PTPRG: variants seen among roughly 807,000 people sequenced by gnomAD.
The protein encoded by PTPRG is receptor-type tyrosine-protein phosphatase gamma.
PTPRG carries 102 observed loss-of-function variants against 165.3 expected under a neutral mutation model. The ratio of observed to expected loss-of-function variants is 0.62; its 90% CI spans 0.53 to 0.73. The LOEUF (loss-of-function observed/expected upper bound fraction) is 0.73, where lower values mean the gene tolerates loss of function less well. PTPRG is among the 30% of genes least tolerant of loss of function. PTPRG has a pLI of 0.00. For synonymous variants in PTPRG, 675 were observed against 669.5 expected, an observed-to-expected ratio of 1.01 and a Z score of -0.13; for missense variants, 1,866 against 1,861.4, an observed-to-expected ratio of 1.00 and a Z score of -0.05.
intron 1 of PTPRG, among the ~76,000 whole-genome samples, chr3:61,733,446 T>C (rs2032596330): frequency 6.6e-6 from 1 of 150,596 alleles, no homozygotes; most frequent in African/African-American, 2.4e-5. Flanking sequence ...GTTTTTAAAA[T>C]GGGAATAATG....
At chr3:61,765,025 A>G (rs1311391433) in intron 2 of PTPRG, among the ~76,000 whole-genome samples, 1 of 152,184 alleles carries the variant, frequency 6.6e-6, no homozygotes, top group Non-Finnish European at 1.5e-5. Flanking sequence ...CGAACCCTAA[A>G]CTGAAGGCTC....
At position 62,078,182 on chromosome 3, in the gene PTPRG, A is replaced by G; in HGVS notation, c.539A>G (p.Asn180Ser). 2 of 1,605,142 alleles carry G rather than the reference A, an allele frequency of 1.2e-6. No homozygotes were observed. Among genetic ancestry groups the G allele is most frequent in the Non-Finnish European group, 1.7e-6 (2 of 1,175,490 alleles). The stretch of plus-strand genomic sequence containing the variant: ...TTACAGATGCAGATTTTCTTTTACA[A>G]TCCAGATGACTTTGACAGCTTTCAA... ...FPVEMQIFFY[N>S]PDDFDSFQTA... Residue 180 changes from asparagine (N) to serine (S), a missense_variant, in exon 5 of 30, where the codon AAT (asparagine) becomes AGT (serine). By Grantham distance (46) the Asn-to-Ser change is conservative (BLOSUM62 1). This residue lies in a region of PTPRG where 408 missense variants were observed against 376.2 expected (regional missense o/e 1.08). Transcript: ENST00000474889.
intron 5 of PTPRG, among the ~76,000 whole-genome samples, chr3:62,084,877 T>C (rs913747199): frequency 6.6e-6 from 1 of 152,200 alleles, no homozygotes; most frequent in African/African-American, 2.4e-5. Context: ...ATTATGTCTC[T>C]TACACACGGC....
chr3:61,751,622 C>G (rs551878392), intron 2 of PTPRG, among the ~76,000 whole-genome samples: 53 of 152,252 alleles, frequency 3.5e-4, no homozygotes, highest in African/African-American at 1.3e-3. Context: ...AAAAGTGTGA[C>G]ATGGGAATGA....
intron 29 of PTPRG, 120 bp downstream of exon 29, chr3:62,292,676 C>T: frequency 8.3e-7 from 1 of 1,210,128 alleles, no homozygotes; most frequent in Admixed American, 2.4e-5. Flanking sequence ...TTGGCCATGT[C>T]TGGAGACTTT....
chr3:61,662,926 C>T (rs765722277), intron 1 of PTPRG, among the ~76,000 whole-genome samples: 5 of 152,136 alleles, frequency 3.3e-5, no homozygotes, highest in African/African-American at 9.7e-5. Context: ...TACACATAGG[C>T]GTCTGATGCA....
intron 2 of PTPRG, among the ~76,000 whole-genome samples, chr3:61,873,088 T>C (rs963229213): frequency 6.6e-6 from 1 of 152,142 alleles, no homozygotes; most frequent in African/African-American, 2.4e-5. Flanking sequence ...TTTGGGGAGC[T>C]GTATATATTC....
chr3:61,821,802 C>T (rs1267762507), intron 2 of PTPRG, among the ~76,000 whole-genome samples: 3 of 152,122 alleles, frequency 2.0e-5, no homozygotes, highest in African/African-American at 7.2e-5. Flanking sequence ...GCATGCTAAG[C>T]GCTTTACTAG....
intron 13 of PTPRG, among the ~76,000 whole-genome samples, chr3:62,221,789 C>T (rs921676980): frequency 6.6e-6 from 1 of 152,180 alleles, no homozygotes; most frequent in Non-Finnish European, 1.5e-5. Context: ...TGCAGTTATT[C>T]TGATTTTTGA....
At chr3:62,184,126 G>T (rs1340508683) in intron 8 of PTPRG, among the ~76,000 whole-genome samples, 2 of 152,172 alleles carry the variant, frequency 1.3e-5, no homozygotes, top group African/African-American at 4.8e-5. Flanking sequence ...TGGGGTGAAT[G>T]GAGCCCAGCT....
At position 61,923,815 on chromosome 3, in the gene PTPRG, C is replaced by T. The variant is rs922186731; in HGVS notation, c.191-65810C>T. Among the ~76,000 whole-genome samples, 3 of 149,778 alleles carry T rather than the reference C, an allele frequency of 2.0e-5. No individual in the cohort carries two copies. The South Asian group carries it at 6.4e-4, about 32-fold the overall frequency. On this transcript the variant is annotated intron_variant, in intron 2 of 29. Coordinates refer to ENST00000474889, the MANE Select transcript of PTPRG (RefSeq NM_002841.4). Reference sequence around the variant, plus strand: ...CCTCCCAAAACACTGGGACTATAAGCATGAGCCACTGTGCCCGGCTTTGTT... The same window carrying T: ...CCTCCCAAAACACTGGGACTATAAGTATGAGCCACTGTGCCCGGCTTTGTT...
intron 2 of PTPRG, among the ~76,000 whole-genome samples, chr3:61,830,766 G>A (rs1002602006): frequency 2.0e-5 from 3 of 151,840 alleles, no homozygotes; most frequent in Non-Finnish European, 4.4e-5. Context: ...TAGAGATGGG[G>A]ATTCTCCATG....
At chr3:61,836,208 T>C (rs1181164986) in intron 2 of PTPRG, among the ~76,000 whole-genome samples, 2 of 152,100 alleles carry the variant, frequency 1.3e-5, no homozygotes, top group Admixed American at 6.5e-5. Flanking sequence ...CCTTGTCTCT[T>C]CTCTTTCCAA....
At chr3:62,002,023 T>C (rs560401469) in intron 3 of PTPRG, among the ~76,000 whole-genome samples, 17 of 152,370 alleles carry the variant, frequency 1.1e-4, no homozygotes, top group African/African-American at 3.6e-4. Context: ...CACTTACTTT[T>C]ACTTCATTTT....
Position 62,185,989 on chromosome 3 carries a change from G to T in PTPRG, c.1034-5480G>T, listed in dbSNP as rs138874010. ...GCTGCGTTTGCCTGTTTCCTTTTTGGACTTTTGAGGGAGGTGTTGTTTGAA... is the reference window on the plus strand; with the variant it reads ...GCTGCGTTTGCCTGTTTCCTTTTTGTACTTTTGAGGGAGGTGTTGTTTGAA... On this transcript the variant is annotated intron_variant, in intron 8 of 29. Coordinates refer to ENST00000474889, the MANE Select transcript of PTPRG (RefSeq NM_002841.4). Among the ~76,000 whole-genome samples the T allele has an allele frequency of 1.1e-4, 17 of 152,244 alleles. No individual in the cohort carries two copies. In the East Asian group the frequency reaches 3.1e-3, roughly 28 times the overall value.
intron 2 of PTPRG, among the ~76,000 whole-genome samples, chr3:61,958,612 G>C (rs898890562): frequency 6.6e-6 from 1 of 151,996 alleles, no homozygotes; most frequent in Non-Finnish European, 1.5e-5. Flanking sequence ...TTTTTCTTTT[G>C]TTGTGTTTCA....
At chr3:62,026,936 C>G (rs562107044) in intron 4 of PTPRG, among the ~76,000 whole-genome samples, 1 of 127,790 alleles carries the variant, frequency 7.8e-6, no homozygotes, top group Non-Finnish European at 1.7e-5. Flanking sequence ...TAAAACAAAA[C>G]AAATTGTGTA....
intron 1 of PTPRG, among the ~76,000 whole-genome samples, chr3:61,683,014 A>T (rs1703504656): frequency 6.6e-6 from 1 of 152,176 alleles, no homozygotes. Flanking sequence ...TCCACGTGGT[A>T]TGAATAGCTC....
At chr3:61,846,168 G>A (rs1312001824) in intron 2 of PTPRG, among the ~76,000 whole-genome samples, 1 of 152,142 alleles carries the variant, frequency 6.6e-6, no homozygotes, top group East Asian at 1.9e-4. Context: ...ATAAATGCTC[G>A]AAATATTTGA....
Sources: gnomAD v4.1 joint callset for allele counts (sites outside exome capture counted in the v4.1 genomes callset) on GRCh38, gnomAD v4.1.1 for gene constraint, gnomAD v4.1.1 regional missense constraint, MANE v1.5 for transcripts, NCBI Gene and HGNC (gene_info 2026-07-23, HGNC 2026-07-21) for gene names.